Variants in PPM1G observed in about 807,000 individuals in gnomAD.
The protein encoded by PPM1G is protein phosphatase 1G.
PPM1G carries 12 observed loss-of-function variants against 59.4 expected under a neutral mutation model. That is an observed-to-expected ratio of 0.20 (90% CI 0.13 to 0.33). The LOEUF is 0.33. Among genes scored for constraint, PPM1G ranks in the 10% least tolerant of loss-of-function variants. PPM1G has a pLI of 1.00. For missense variants in PPM1G, 392 were observed against 681.3 expected, an observed-to-expected ratio of 0.58 and a Z score of 4.73; for synonymous variants, 245 against 251.9, an observed-to-expected ratio of 0.97 and a Z score of 0.26.
chr2:27,402,840 AT>A lies in PPM1G; in HGVS notation c.120+6462del, dbSNP rs1461030542. Among the ~76,000 whole-genome samples the A allele has an allele frequency of 1.3e-3, 199 of 148,446 alleles. 3 individuals carry two copies. Among genetic ancestry groups the A allele is most frequent in the African/African-American group, 4.4e-3 (175 of 39,768 alleles). ...AATAAATAAATAAATAAATAAATAA[AT>A]AAATAAATAAATAAAATAAACATAA... On this transcript the variant is annotated intron_variant, in intron 1 of 9. Transcript: ENST00000344034.
chr2:27,399,491 G>A (rs1314894981), intron 1 of PPM1G, among the ~76,000 whole-genome samples: 3 of 151,972 alleles, frequency 2.0e-5, no homozygotes, highest in African/African-American at 7.3e-5. Flanking sequence ...TGAACAACAT[G>A]GTAATGCCCT....
chr2:27,390,073 G>C (rs528733116), intron 1 of PPM1G, among the ~76,000 whole-genome samples: 2 of 151,672 alleles, frequency 1.3e-5, no homozygotes, highest in South Asian at 4.2e-4. Context: ...CTGGAGTAGA[G>C]TGGCGCGATC....
intron 1 of PPM1G, among the ~76,000 whole-genome samples, chr2:27,391,878 C>G (rs1270254): frequency 6.6e-6 from 1 of 151,644 alleles, no homozygotes; most frequent in East Asian, 1.9e-4. Flanking sequence ...ATAACAGGCA[C>G]GCGCCGCCAC....
intron 1 of PPM1G, among the ~76,000 whole-genome samples, chr2:27,402,849 T>TAAAATA (rs1348453372): frequency 9.6e-6 from 1 of 104,706 alleles, no homozygotes; most frequent in African/African-American, 4.5e-5. Flanking sequence ...AATAAATAAA[T>TAAAATA]AAATAAAATA....
chr2:27,407,799 A>C (rs1663416156), intron 1 of PPM1G, among the ~76,000 whole-genome samples: 1 of 152,266 alleles, frequency 6.6e-6, no homozygotes, highest in Non-Finnish European at 1.5e-5. Context: ...CTGTAATCCT[A>C]GCACTTTGGG....
chr2:27,387,025 T>G (rs1199345017), intron 2 of PPM1G, 64 bp downstream of exon 2: 4 of 1,320,104 alleles, frequency 3.0e-6, no homozygotes, highest in Non-Finnish European at 3.3e-6. Context: ...AGGGACCTGT[T>G]CTTGCCCTGG....
In PPM1G at chr2:27,385,327, C is replaced by A; in HGVS notation, c.410-239G>T. On this transcript the variant is annotated intron_variant, in intron 4 of 9. Transcript: ENST00000344034. The surrounding 1 kb of genome is among the most constrained non-coding windows in gnomAD (Gnocchi z 4.1). ...CAACACTAGTTACTATACTTCCCCT[C>A]TGACGTCTCATTTTTTATTGTTAAG... The A allele has an allele frequency of 2.1e-6, 1 of 482,188 alleles. No homozygotes were observed. Among genetic ancestry groups the A allele is most frequent in the Non-Finnish European group, 3.6e-6 (1 of 277,744 alleles). The allele number at this position is 482,188 out of a possible 1,614,324, so 29.9% of individuals were successfully genotyped here. A position where few individuals can be genotyped will look rare whatever the true frequency, so the allele number is the denominator to read the frequency against.
intron 1 of PPM1G, among the ~76,000 whole-genome samples, chr2:27,388,089 CG>C (rs1683812531): frequency 1.3e-5 from 2 of 151,848 alleles, no homozygotes; most frequent in South Asian, 4.2e-4. Flanking sequence ...TGAGCCACCG[CG>C]CCCGGCCTAC....
In PPM1G at chr2:27,385,674, G is replaced by T; in HGVS notation, c.409+73C>A. Reference sequence around the variant, plus strand: ...GTCCCTAGAAAGCCATCCTATCTTAGAATTGATAAGTAATATTAAAGAATA... The same window carrying T: ...GTCCCTAGAAAGCCATCCTATCTTATAATTGATAAGTAATATTAAAGAATA... On this transcript the variant is annotated intron_variant, in intron 4 of 9. Coordinates refer to ENST00000344034, the MANE Select transcript of PPM1G (RefSeq NM_177983.3). This position sits in a 1 kb window ranked among gnomAD's most constrained non-coding sequence, Gnocchi z 4.1. 6.5e-7 allele frequency: 1 copy of T among 1,550,194 alleles called. No homozygotes were observed.
At chr2:27,392,880 G>C in intron 1 of PPM1G, 2 of 1,432,368 alleles carry the variant, frequency 1.4e-6, no homozygotes, top group Non-Finnish European at 1.9e-6. Flanking sequence ...TGTTGGTCAC[G>C]TGGTCACCCA....
chr2:27,392,692 T>G lies in PPM1G; in HGVS notation c.121-5534A>C, dbSNP rs768587420. 3 of 780,520 alleles carry G rather than the reference T, an allele frequency of 3.8e-6. No homozygotes were observed. In the Admixed American group the frequency reaches 5.7e-5, roughly 15 times the overall value. 48.3% of individuals were successfully genotyped at this position (780,520 alleles called of 1,614,324 possible). On this transcript the variant is annotated intron_variant, in intron 1 of 9. Coordinates refer to ENST00000344034, the MANE Select transcript of PPM1G (RefSeq NM_177983.3). Reference sequence around the variant, plus strand: ...ACTTAAGTGGGTGTCTTGGAACAACTTATAGAAAAGGTAAAGGAAACCCCA... The same window carrying G: ...ACTTAAGTGGGTGTCTTGGAACAACGTATAGAAAAGGTAAAGGAAACCCCA...
Position 27,385,765 on chromosome 2 carries a change from C to G in PPM1G, c.391G>C (p.Val131Leu). 6.2e-7 allele frequency: 1 copy of G among 1,613,276 alleles called. No homozygotes were observed. Among genetic ancestry groups the G allele is most frequent in the Non-Finnish European group, 8.5e-7 (1 of 1,179,812 alleles). Residue 131 changes from valine to leucine, a missense_variant, in exon 4 of 10, where the codon GTA (valine) becomes CTA (leucine). This residue lies in a region of PPM1G where 188 missense variants were observed against 248.8 expected (regional missense o/e 0.76). Transcript: ENST00000344034. The surrounding 1 kb of genome is among the most constrained non-coding windows in gnomAD (Gnocchi z 4.1). The part of the protein sequence containing the change: ...PTEDEDEKEK[V>L]ADEDDVDNEE... ...CACTCACCATCATCTTCATCAGCTA[C>G]TTTTTCTTTTTCATCTTCATCCTCA...
At position 27,385,898 on chromosome 2, in the gene PPM1G, G is replaced by A. The variant is rs1683752556; in HGVS notation, c.277-19C>T. ...CTAAAGCCTGAATATAAGCAAAATA[G>A]TCTAAGACTAGTACAAAATGAACTC... On this transcript the variant is annotated intron_variant, in intron 3 of 9. Transcript: ENST00000344034. This position sits in a 1 kb window ranked among gnomAD's most constrained non-coding sequence, Gnocchi z 4.1. The A allele has an allele frequency of 1.9e-6, 3 of 1,605,876 alleles. No homozygotes were observed. The highest frequency in any genetic ancestry group is 3.5e-5 in the Admixed American group (2 of 57,600).
At chr2:27,387,194 G>A (rs1683784808) in intron 1 of PPM1G, 36 bp from the exon 2 acceptor site, 1 of 1,554,658 alleles carries the variant, frequency 6.4e-7, no homozygotes, top group Non-Finnish European at 8.9e-7. Context: ...ATGTCTCAAG[G>A]TCGAAGAATA....
Position 27,385,353 on chromosome 2 carries a change from T to C in PPM1G, c.410-265A>G, listed in dbSNP as rs1367084787. 5.5e-5 allele frequency: 25 copies of C among 451,936 alleles called. No individual in the cohort carries two copies. In the South Asian group the frequency reaches 8.8e-4, roughly 16 times the overall value. The allele number at this position is 451,936 out of a possible 1,614,324, so 28.0% of individuals were successfully genotyped here. A position where few individuals can be genotyped will look rare whatever the true frequency, so the allele number is the denominator to read the frequency against. On this transcript the variant is annotated intron_variant, in intron 4 of 9. Coordinates refer to ENST00000344034, the MANE Select transcript of PPM1G (RefSeq NM_177983.3). The surrounding 1 kb of genome is among the most constrained non-coding windows in gnomAD (Gnocchi z 4.1). ...TGACGTCTCATTTTTTATTGTTAAG[T>C]TGTAAAAACCCTATTCTGGCTGAGG... is the stretch of plus-strand genomic sequence containing the variant.
At position 27,383,847 on chromosome 2, in the gene PPM1G, T is replaced by C; in HGVS notation, c.966+105A>G. 6.8e-7 allele frequency: 1 copy of C among 1,476,080 alleles called. No individual in the cohort carries two copies. The highest frequency in any genetic ancestry group is 9.1e-7 in the Non-Finnish European group (1 of 1,096,428). The allele number at this position is 1,476,080 out of a possible 1,614,324, so 91.4% of individuals were successfully genotyped here. ...AGAATAAATCCCCATGACTATTACT[T>C]CCATCCTAAAGTATCAGGGGGATCC... On this transcript the variant is annotated intron_variant, in intron 6 of 9. Coordinates refer to ENST00000344034, the MANE Select transcript of PPM1G (RefSeq NM_177983.3). The surrounding 1 kb of genome is among the most constrained non-coding windows in gnomAD (Gnocchi z 5.0).
Position 27,383,917 on chromosome 2 carries a change from C to G in PPM1G, c.966+35G>C. ...TAGGGGATTCACACCTGCCTTGTGG[C>G]TTTTCAAGACTCATTGCTCCCCTTC... On this transcript the variant is annotated intron_variant, in intron 6 of 9. Transcript: ENST00000344034. This position sits in a 1 kb window ranked among gnomAD's most constrained non-coding sequence, Gnocchi z 5.0. 1 of 1,551,076 alleles carries G rather than the reference C, an allele frequency of 6.4e-7. No homozygotes were observed. The highest frequency in any genetic ancestry group is 8.7e-7 in the Non-Finnish European group (1 of 1,146,544).
Position 27,387,171 on chromosome 2 carries a change from G to C in PPM1G, c.121-13C>G, listed in dbSNP as rs553769770. The stretch of plus-strand genomic sequence containing the variant: ...AGTTGTGAGCATCCTAGGAAAAGAA[G>C]AGCATAATCGGCATGTCTCAAGGTC... On this transcript the variant is annotated splice_polypyrimidine_tract_variant and intron_variant, in intron 1 of 9. Transcript: ENST00000344034. 1 of 1,603,562 alleles carries C rather than the reference G, an allele frequency of 6.2e-7. No individual in the cohort carries two copies. Among genetic ancestry groups the C allele is most frequent in the African/African-American group, 1.3e-5 (1 of 74,826 alleles).
chr2:27,389,018 C>T (rs1683834882), intron 1 of PPM1G, among the ~76,000 whole-genome samples: 1 of 152,016 alleles, frequency 6.6e-6, no homozygotes, highest in Non-Finnish European at 1.5e-5. Flanking sequence ...CCACATTGTT[C>T]CATTCTGAAT....
Sources: gnomAD v4.1 joint callset for allele counts (sites outside exome capture counted in the v4.1 genomes callset) on GRCh38, gnomAD v4.1.1 for gene constraint, gnomAD v4.1.1 regional missense constraint, Gnocchi (gnomAD v3.1) non-coding constraint, MANE v1.5 for transcripts, NCBI Gene and HGNC (gene_info 2026-07-23, HGNC 2026-07-21) for gene names.